FYCO1: variants seen among roughly 807,000 people sequenced by gnomAD.
The protein encoded by FYCO1 is FYVE and coiled-coil domain autophagy adaptor 1.
Under a neutral mutation model 165.1 loss-of-function variants are expected in FYCO1, and 122 were observed. The ratio of observed to expected loss-of-function variants is 0.74; its 90% confidence interval spans 0.64 to 0.86. The LOEUF is 0.86. Ranked by LOEUF, FYCO1 falls within the 40% of genes least tolerant of loss-of-function variation. The pLI is 0.00. For missense variants in FYCO1, 1,702 were observed against 1,810.3 expected (o/e 0.94, Z 1.09); for synonymous variants, 648 against 742.5 (o/e 0.87, Z 2.07).
In FYCO1 at chr3:45,940,174, T is replaced by A. The variant is rs375726144; in HGVS notation, c.3945-3631A>T. Among the ~76,000 whole-genome samples, 5 of 152,322 alleles carry A rather than the reference T, an allele frequency of 3.3e-5. No homozygotes were observed. In the East Asian group the frequency reaches 5.8e-4, roughly 18 times the overall value. On this transcript the variant is annotated intron_variant, in intron 14 of 17. Transcript: ENST00000296137. ...GTTAGAGTAGGTAGCTAGGCAGACA[T>A]GAGCAGGGCAGGAGAGGGCCCCCCT...
At chr3:45,928,844 A>T (rs1703448718) in intron 16 of FYCO1, among the ~76,000 whole-genome samples, 2 of 152,196 alleles carry the variant, frequency 1.3e-5, no homozygotes, top group Admixed American at 1.3e-4. Context: ...CTCTGATTAC[A>T]CAGTGAGCTC....
intron 1 of FYCO1, among the ~76,000 whole-genome samples, chr3:45,986,032 A>G (rs1443665008): frequency 6.6e-6 from 1 of 152,246 alleles, no homozygotes; most frequent in Non-Finnish European, 1.5e-5. Flanking sequence ...ACACATGATC[A>G]CTTTTAATTC....
intron 16 of FYCO1, among the ~76,000 whole-genome samples, chr3:45,929,674 G>A (rs1397934580): frequency 6.6e-6 from 1 of 152,198 alleles, no homozygotes; most frequent in African/African-American, 2.4e-5. Context: ...GGTAGGAGGA[G>A]CTGGCTACAA....
At chr3:45,938,073 A>G in intron 14 of FYCO1, 3 of 443,882 alleles carry the variant, frequency 6.8e-6, no homozygotes. Context: ...AGACACTGAA[A>G]GCTGTACTTG....
At chr3:45,952,259 C>T (rs1705074960) in intron 14 of FYCO1, among the ~76,000 whole-genome samples, 1 of 152,170 alleles carries the variant, frequency 6.6e-6, no homozygotes, top group South Asian at 2.1e-4. Context: ...AGTGTTTAAT[C>T]TCTCCCGGAT....
chr3:45,968,740 A>T, intron 7 of FYCO1, 37 bp from the exon 8 acceptor site: 1 of 1,613,694 alleles, frequency 6.2e-7, no homozygotes, highest in Non-Finnish European at 8.5e-7. Flanking sequence ...TGGCTTTAGG[A>T]TGAAGCTACA....
At position 45,939,040 on chromosome 3, in the gene FYCO1, C is replaced by T. The variant is rs193272493; in HGVS notation, c.3945-2497G>A. ...AAAGATACCAGATACTCACTGCCCA[C>T]GCGGCTTTCCTCCTCCCCTTGCTCT... On this transcript the variant is annotated intron_variant, in intron 14 of 17. Transcript: ENST00000296137. Among the ~76,000 whole-genome samples the T allele has an allele frequency of 1.8e-3, 268 of 152,340 alleles. 4 individuals are homozygous for T. The South Asian group carries it at 0.03, about 17-fold the overall frequency.
At chr3:45,946,876 TTAAGGCCAC>T in intron 14 of FYCO1, 1 of 1,614,202 alleles carries the variant, frequency 6.2e-7, no homozygotes, top group Non-Finnish European at 8.5e-7. Context: ...ATTGTAGTGG[TTAAGGCCAC>T]CAAGGCCTAC....
intron 10 of FYCO1, among the ~76,000 whole-genome samples, chr3:45,963,210 C>A (rs1705799106): frequency 6.6e-6 from 1 of 151,990 alleles, no homozygotes; most frequent in South Asian, 2.1e-4. Flanking sequence ...CACACACAGG[C>A]AGCATATGTG....
In FYCO1 at chr3:45,967,698, G is replaced by T. The variant is rs1241448075; in HGVS notation, c.1636C>A (p.Leu546Ile). The T allele has an allele frequency of 6.2e-7, 1 of 1,613,706 alleles. No homozygotes were observed. Among genetic ancestry groups the T allele is most frequent in the Non-Finnish European group, 8.5e-7 (1 of 1,180,030 alleles). ...TCGAGCATACCCACCTGCTGGCTGAGGTGGTCTTTGTCCTGAATGAGCTGC... is the reference window on the plus strand; with the variant it reads ...TCGAGCATACCCACCTGCTGGCTGATGTGGTCTTTGTCCTGAATGAGCTGC... ...KKQLIQDKDH[L>I]SQQVGMLERL... Residue 546 changes from leucine to isoleucine, a missense_variant, in exon 8 of 18, where the codon CTC (leucine) becomes ATC (isoleucine). Coordinates refer to ENST00000296137, the MANE Select transcript of FYCO1 (RefSeq NM_024513.4).
chr3:45,922,995 G>A (rs1435688845), intron 17 of FYCO1, among the ~76,000 whole-genome samples: 1 of 152,182 alleles, frequency 6.6e-6, no homozygotes, highest in Admixed American at 6.5e-5. Flanking sequence ...CAGATACTCA[G>A]TCAATGCTGG....
rs1354009106 is a variant in FYCO1, at chr3:45,993,164, C to A, written c.-113+2558G>T. Among the ~76,000 whole-genome samples, 3 of 152,182 alleles carry A rather than the reference C, an allele frequency of 2.0e-5. No individual in the cohort carries two copies. In the East Asian group the frequency reaches 5.8e-4, roughly 29 times the overall value. ...TACACATCCTCCAAATGGCATCCGGCCTAATGAGAAACAGGCCCTTGGTGC... is the reference window on the plus strand; with the variant it reads ...TACACATCCTCCAAATGGCATCCGGACTAATGAGAAACAGGCCCTTGGTGC... On this transcript the variant is annotated intron_variant, in intron 1 of 17. Coordinates refer to ENST00000296137, the MANE Select transcript of FYCO1 (RefSeq NM_024513.4). The surrounding 1 kb of genome is among the most constrained non-coding windows in gnomAD (Gnocchi z 4.4).
In FYCO1 at chr3:45,965,145, AAG is replaced by A. The variant is rs1226225916; in HGVS notation, c.3058-22_3058-21del. Reference sequence around the variant, plus strand: ...AGCATTCTAGAGAGGACAAGAAAGAAAGAGGACATAAAAGTAGGGTCCTTGCT... The same window carrying A: ...AGCATTCTAGAGAGGACAAGAAAGAAAGGACATAAAAGTAGGGTCCTTGCT... On this transcript the variant is annotated intron_variant, in intron 8 of 17. Coordinates refer to ENST00000296137, the MANE Select transcript of FYCO1 (RefSeq NM_024513.4). The A allele has an allele frequency of 1.3e-6, 2 of 1,598,136 alleles. No individual in the cohort carries two copies. The highest frequency in any genetic ancestry group is 1.7e-6 in the Non-Finnish European group (2 of 1,166,470).
Position 45,921,613 on chromosome 3 carries a change from C to A in FYCO1, c.*152G>T. ...AGTGGCCGGTGCAGAGTGCTGAGCA[C>A]AAAGTCCTCCCCAGACACCGCCTCT... On this transcript the variant is annotated 3_prime_UTR_variant, in exon 18 of 18. Coordinates refer to ENST00000296137, the MANE Select transcript of FYCO1 (RefSeq NM_024513.4). 1.5e-6 allele frequency: 1 copy of A among 684,752 alleles called. No individual in the cohort carries two copies. The highest frequency in any genetic ancestry group is 2.7e-6 in the Non-Finnish European group (1 of 372,248). 42.4% of individuals were successfully genotyped at this position (684,752 alleles called of 1,614,324 possible). A position where few individuals can be genotyped will look rare whatever the true frequency, so the allele number is the denominator to read the frequency against.
chr3:45,966,283 T>G lies in FYCO1; in HGVS notation c.3051A>C (p.Arg1017Ser). ...LSAEIMDYQS[R>S]LKNAGEECKS... ...TGGTTGAAGCTAGGATTACCTTAAG[T>G]CTGCTCTGGTAGTCCATGATTTCAG... The change falls in exon 8 of 18, where the codon AGA (arginine) becomes AGC (serine). Residue 1017 changes from arginine (R) to serine (S), a missense_variant. Physicochemically the swap from Arg to Ser is moderately radical, Grantham distance 110. Coordinates refer to ENST00000296137, the MANE Select transcript of FYCO1 (RefSeq NM_024513.4). 1 of 1,613,950 alleles carries G rather than the reference T, an allele frequency of 6.2e-7. No homozygotes were observed. Among genetic ancestry groups the G allele is most frequent in the South Asian group, 1.1e-5 (1 of 91,078 alleles).
chr3:45,944,010 C>A (rs1397426664), intron 14 of FYCO1, among the ~76,000 whole-genome samples: 1 of 152,130 alleles, frequency 6.6e-6, no homozygotes, highest in African/African-American at 2.4e-5. Flanking sequence ...CATAATTCCA[C>A]CAGCTGGAGG....
chr3:45,959,265 G>A (rs1273540786), intron 12 of FYCO1, 128 bp downstream of exon 12: 8 of 1,045,552 alleles, frequency 7.7e-6, no homozygotes, highest in East Asian at 2.4e-5. Context: ...AAGCCAAAAC[G>A]CAATGTGCTC....
At chr3:45,976,400 G>A (rs917090259) in intron 4 of FYCO1, among the ~76,000 whole-genome samples, 1 of 152,200 alleles carries the variant, frequency 6.6e-6, no homozygotes, top group Admixed American at 6.5e-5. Context: ...AGCCACAGAA[G>A]ACACTTGGGC....
At chr3:45,957,174 A>G (rs140528704) in intron 13 of FYCO1, among the ~76,000 whole-genome samples, 511 of 152,340 alleles carry the variant, frequency 3.4e-3, no homozygotes, top group African/African-American at 0.012. Context: ...CTTTCAATCA[A>G]TGGTGTTGAA....
Sources: gnomAD v4.1 joint callset for allele counts (sites outside exome capture counted in the v4.1 genomes callset) on GRCh38, gnomAD v4.1.1 for gene constraint, Gnocchi (gnomAD v3.1) non-coding constraint, MANE v1.5 for transcripts, NCBI Gene and HGNC (gene_info 2026-07-23, HGNC 2026-07-21) for gene names.